GNAO1: variants seen among roughly 807,000 people sequenced by gnomAD.
GNAO1 encodes guanine nucleotide-binding protein G(o) subunit alpha.
For synonymous variants in GNAO1, 164 were observed against 180.7 expected (o/e 0.91, Z 0.74); for missense variants, 166 against 478.7 (o/e 0.35, Z 6.10).
chr16:56,328,423 A>T (rs562952684), intron 3 of GNAO1, among the ~76,000 whole-genome samples: 5 of 152,254 alleles, frequency 3.3e-5, no homozygotes, highest in African/African-American at 1.2e-4. Context: ...TAGGACATCC[A>T]TGTGGTAGAA....
At chr16:56,297,751 C>G (rs939463824) in intron 3 of GNAO1, among the ~76,000 whole-genome samples, 1 of 152,040 alleles carries the variant, frequency 6.6e-6, no homozygotes, top group Non-Finnish European at 1.5e-5. Flanking sequence ...ACTTTTTCCC[C>G]TCCTTAGAAA....
At chr16:56,305,634 T>C (rs1441310681) in intron 3 of GNAO1, among the ~76,000 whole-genome samples, 2 of 151,798 alleles carry the variant, frequency 1.3e-5, no homozygotes, top group African/African-American at 4.8e-5. Flanking sequence ...GTAGATAGAG[T>C]TTGGAATGAT....
chr16:56,282,312 G>A (rs2037122560), intron 3 of GNAO1, among the ~76,000 whole-genome samples: 1 of 152,190 alleles, frequency 6.6e-6, no homozygotes, highest in East Asian at 1.9e-4. Context: ...CCTGTAGCGT[G>A]CATAGGATAG....
intron 3 of GNAO1, among the ~76,000 whole-genome samples, chr16:56,305,832 A>G (rs1305475384): frequency 6.6e-6 from 1 of 152,154 alleles, no homozygotes; most frequent in Non-Finnish European, 1.5e-5. Context: ...TTTTCTCCCC[A>G]TCTTCACATG....
intron 6 of GNAO1, chr16:56,340,774 C>A: frequency 6.6e-7 from 1 of 1,507,590 alleles, no homozygotes; most frequent in Non-Finnish European, 9.1e-7. Flanking sequence ...TGTCATTGGC[C>A]GCGGTGGGTC....
chr16:56,246,415 G>A (rs1437836147), intron 2 of GNAO1, among the ~76,000 whole-genome samples: 1 of 152,194 alleles, frequency 6.6e-6, no homozygotes, highest in Non-Finnish European at 1.5e-5. Flanking sequence ...GAACATCAGA[G>A]TCCCGTTCAC....
intron 3 of GNAO1, among the ~76,000 whole-genome samples, chr16:56,317,989 C>T (rs2037529033): frequency 6.6e-6 from 1 of 152,208 alleles, no homozygotes; most frequent in African/African-American, 2.4e-5. Context: ...GCCCCAGCCG[C>T]CAAATGCCTG....
chr16:56,263,575 C>G (rs1047001977), intron 2 of GNAO1, among the ~76,000 whole-genome samples: 1 of 152,148 alleles, frequency 6.6e-6, no homozygotes, highest in Non-Finnish European at 1.5e-5. Context: ...CCGAGCAGAG[C>G]CCTGAATGCA....
intron 2 of GNAO1, among the ~76,000 whole-genome samples, chr16:56,256,716 CTCTGTGTGTGTGTGTGTGTG>C (rs2036852941): frequency 1.1e-5 from 1 of 90,272 alleles, no homozygotes; most frequent in African/African-American, 3.8e-5. Flanking sequence ...CTCTCTCTCT[CTCTGTGTGTGTGTGTGTGTG>C]TGTGTGTGTG....
chr16:56,317,097 G>A lies in GNAO1; in HGVS notation c.304-11534G>A, dbSNP rs79257586. On this transcript the variant is annotated intron_variant, in intron 3 of 8. Coordinates refer to ENST00000262493, the MANE Select transcript of GNAO1 (RefSeq NM_020988.3). ...GATCCCTGAGTTCTGAGGCTGAAAA[G>A]GAAAGAAAGTTAGGATCAAAAAACC... 6.7e-3 allele frequency among the ~76,000 whole-genome samples: 1,027 copies of A among 152,298 alleles called. 8 individuals are homozygous for A. The highest frequency in any genetic ancestry group is 0.023 in the African/African-American group (976 of 41,564).
intron 6 of GNAO1, among the ~76,000 whole-genome samples, chr16:56,342,236 G>T (rs766349295): frequency 1.3e-5 from 2 of 152,188 alleles, no homozygotes; most frequent in Non-Finnish European, 2.9e-5. Context: ...GGAAGGAGGA[G>T]GGGACAAGGG....
intron 2 of GNAO1, among the ~76,000 whole-genome samples, chr16:56,266,890 G>A (rs1346157107): frequency 6.6e-6 from 1 of 152,102 alleles, no homozygotes; most frequent in Non-Finnish European, 1.5e-5. Flanking sequence ...ATAAACAAAG[G>A]AAAGAGTGGT....
intron 4 of GNAO1, among the ~76,000 whole-genome samples, chr16:56,330,149 G>C (rs1464208864): frequency 2.0e-5 from 3 of 152,232 alleles, no homozygotes; most frequent in African/African-American, 4.8e-5. Context: ...GTGAGTCCCA[G>C]GTGATGACTA....
chr16:56,281,847 G>A (rs564811856), intron 3 of GNAO1, among the ~76,000 whole-genome samples: 8 of 152,320 alleles, frequency 5.3e-5, no homozygotes, highest in African/African-American at 1.9e-4. Flanking sequence ...GGGGGGGATG[G>A]GGAAAGCTTT....
intron 3 of GNAO1, among the ~76,000 whole-genome samples, chr16:56,279,859 A>C (rs1205298519): frequency 1.3e-5 from 2 of 152,174 alleles, no homozygotes; most frequent in Non-Finnish European, 2.9e-5. Flanking sequence ...GTCCAGCCTA[A>C]GAACCCCTTC....
chr16:56,273,320 C>T lies in GNAO1; in HGVS notation c.162-2611C>T, dbSNP rs535974735. On this transcript the variant is annotated intron_variant, in intron 2 of 8. Transcript: ENST00000262493. ...ATGTCTAATCTGCTGTTAATCCCAT[C>T]CAGTGAAATTTTTATTTTAGATATT... Among the ~76,000 whole-genome samples the T allele has an allele frequency of 7.2e-5, 11 of 152,270 alleles. No homozygotes were observed. In the South Asian group the frequency reaches 1.2e-3, roughly 17 times the overall value.
intron 3 of GNAO1, among the ~76,000 whole-genome samples, chr16:56,321,038 G>A (rs1279218351): frequency 6.6e-6 from 1 of 152,198 alleles, no homozygotes. Flanking sequence ...ACACCACACG[G>A]CATGTGGGCA....
chr16:56,339,135 G>GA (rs1187664265), intron 6 of GNAO1, among the ~76,000 whole-genome samples: 1 of 152,270 alleles, frequency 6.6e-6, no homozygotes, highest in Non-Finnish European at 1.5e-5. Context: ...GTGGCAGCAA[G>GA]AACAATACTG....
At chr16:56,307,762 C>T (rs2037412142) in intron 3 of GNAO1, 2 of 152,280 alleles carry the variant, frequency 1.3e-5, no homozygotes, top group South Asian at 2.1e-4. Context: ...CTTCCATTCC[C>T]TCTGGCCACT....
Sources: allele counts gnomAD v4.1 joint callset (sites outside exome capture counted in the v4.1 genomes callset), GRCh38; gene constraint gnomAD v4.1.1; transcripts MANE v1.5; gene names NCBI Gene and HGNC (gene_info 2026-07-23, HGNC 2026-07-21).